Variants in SUPT3H observed in about 807,000 individuals in gnomAD.
SUPT3H encodes the protein SPT3 homolog, SAGA and STAGA complex component.
Under a neutral mutation model 44.3 loss-of-function variants are expected in SUPT3H, and 44 were observed. The ratio of observed to expected loss-of-function variants is 0.99; its 90% CI spans 0.78 to 1.28. The LOEUF (loss-of-function observed/expected upper bound fraction) is 1.28. SUPT3H is among the 50% of genes most tolerant of loss of function. The probability of loss-of-function intolerance (pLI) is 0.00; values close to 1 mark genes in which losing one functional copy is unlikely to be tolerated. For synonymous variants in SUPT3H, 124 were observed against 125.6 expected (o/e 0.99, Z 0.09); for missense variants, 380 against 387.1 (o/e 0.98, Z 0.15).
chr6:44,815,640 G>A (rs1373417396), intron 11 of SUPT3H, among the ~76,000 whole-genome samples: 3 of 152,092 alleles, frequency 2.0e-5, no homozygotes, highest in South Asian at 2.1e-4. Flanking sequence ...ATTCCTAAAT[G>A]TGTGTATGTA....
chr6:45,280,402 G>C (rs75378038), intron 2 of SUPT3H, among the ~76,000 whole-genome samples: 1,722 of 151,988 alleles, frequency 0.011, 15 homozygotes, highest in Non-Finnish European at 0.019. Flanking sequence ...GCTACTCGGG[G>C]GGCTGACACA....
At chr6:45,025,658 C>A (rs577462788) in intron 3 of SUPT3H, among the ~76,000 whole-genome samples, 8 of 152,088 alleles carry the variant, frequency 5.3e-5, no homozygotes, top group Non-Finnish European at 1.2e-4. Flanking sequence ...CCGAGACAGG[C>A]GGATCATGAG....
At chr6:45,243,197 C>CAAAAA (rs61643038) in intron 2 of SUPT3H, among the ~76,000 whole-genome samples, 2,401 of 72,352 alleles carry the variant, frequency 0.033, 383 homozygotes, top group African/African-American at 0.045. Flanking sequence ...GACTCCTTCT[C>CAAAAA]AAAAAAAAAA....
chr6:45,176,625 C>T (rs1394800403), intron 2 of SUPT3H, among the ~76,000 whole-genome samples: 1 of 152,220 alleles, frequency 6.6e-6, no homozygotes, highest in Non-Finnish European at 1.5e-5. Flanking sequence ...GGGGGCAGGG[C>T]ACAGACAAAC....
At chr6:45,048,168 C>T in intron 3 of SUPT3H, among the ~76,000 whole-genome samples, 1 of 149,452 alleles carries the variant, frequency 6.7e-6, no homozygotes, top group East Asian at 2.0e-4. Context: ...AATCCCTTAT[C>T]AGATATATGG....
intron 3 of SUPT3H, among the ~76,000 whole-genome samples, chr6:45,062,084 T>C (rs1470812020): frequency 6.6e-6 from 1 of 151,906 alleles, no homozygotes; most frequent in East Asian, 1.9e-4. Flanking sequence ...GTAAACAAAT[T>C]TTTATATGAA....
chr6:45,077,642 AGAAAAG>A (rs1795192709), intron 3 of SUPT3H, among the ~76,000 whole-genome samples: 23 of 87,124 alleles, frequency 2.6e-4, no homozygotes, highest in African/African-American at 3.7e-4. Context: ...AAAAAAAAAA[AGAAAAG>A]AAAAAAAAAA....
Position 44,932,663 on chromosome 6 carries a change from G to C in SUPT3H, c.902C>G (p.Ser301Cys), listed in dbSNP as rs771962065. The C allele has an allele frequency of 6.2e-7, 1 of 1,606,358 alleles. No individual in the cohort carries two copies. The highest frequency in any genetic ancestry group is 1.7e-5 in the Admixed American group (1 of 58,696). ...RRYSHRIGPLSPFTNAYRRNG... is the reference protein window; with the variant it reads ...RRYSHRIGPLCPFTNAYRRNG... ...TCTGTTATTACGTACTGTGAATGGGGAAAGTGGGCCAATCCTGTGGCTGTA... is the reference window on the plus strand; with the variant it reads ...TCTGTTATTACGTACTGTGAATGGGCAAAGTGGGCCAATCCTGTGGCTGTA... Residue 301 changes from serine to cysteine, a missense_variant, in exon 10 of 11, where the codon TCC (serine) becomes TGC (cysteine). Ser to Cys is a moderately radical substitution (Grantham distance 112). Transcript: ENST00000371459.
At chr6:44,914,884 T>C (rs1268410315) in intron 10 of SUPT3H, among the ~76,000 whole-genome samples, 1 of 152,098 alleles carries the variant, frequency 6.6e-6, no homozygotes, top group Non-Finnish European at 1.5e-5. Context: ...GATCAGGAAA[T>C]ACGATGTATC....
At chr6:45,212,966 T>C (rs942529380) in intron 2 of SUPT3H, among the ~76,000 whole-genome samples, 2 of 152,032 alleles carry the variant, frequency 1.3e-5, no homozygotes, top group Admixed American at 6.6e-5. Context: ...TACCAAAACA[T>C]GCCACAATCA....
intron 10 of SUPT3H, among the ~76,000 whole-genome samples, chr6:44,927,525 T>C (rs1377495505): frequency 6.6e-6 from 1 of 152,138 alleles, no homozygotes; most frequent in African/African-American, 2.4e-5. Flanking sequence ...AACACTGAAA[T>C]TGAAGAAACT....
intron 9 of SUPT3H, among the ~76,000 whole-genome samples, chr6:44,937,320 C>T (rs1217316508): frequency 1.3e-5 from 2 of 151,758 alleles, no homozygotes; most frequent in African/African-American, 2.4e-5. Flanking sequence ...GGTGAAACCC[C>T]GTCTCTACTA....
At chr6:44,863,212 G>C (rs1554139079) in intron 10 of SUPT3H, among the ~76,000 whole-genome samples, 4 of 152,100 alleles carry the variant, frequency 2.6e-5, no homozygotes, top group Non-Finnish European at 4.4e-5. Flanking sequence ...ACTCTTCTAG[G>C]TGTGGGAATG....
chr6:45,281,765 G>T lies in SUPT3H; in HGVS notation c.101+83436C>A, dbSNP rs529453757. On this transcript the variant is annotated intron_variant, in intron 2 of 10. Coordinates refer to ENST00000371459, the MANE Select transcript of SUPT3H (RefSeq NM_003599.4). ...GTGGTTCTCCCAGCACCCAGCTGGA[G>T]ATCTGAGAACAGACAGACTGCCTCC... Among the ~76,000 whole-genome samples, 10 of 152,310 alleles carry T rather than the reference G, an allele frequency of 6.6e-5. No homozygotes were observed. The South Asian group carries it at 1.7e-3, about 25-fold the overall frequency.
At chr6:44,846,158 G>A (rs1040173849) in intron 10 of SUPT3H, among the ~76,000 whole-genome samples, 1 of 152,194 alleles carries the variant, frequency 6.6e-6, no homozygotes, top group East Asian at 1.9e-4. Context: ...CTGTGAGGGG[G>A]AGAAGGGAAT....
At chr6:45,170,389 A>G (rs1293329353) in intron 2 of SUPT3H, among the ~76,000 whole-genome samples, 1 of 152,190 alleles carries the variant, frequency 6.6e-6, no homozygotes, top group Non-Finnish European at 1.5e-5. Flanking sequence ...TCCTCAGTCT[A>G]CAAATAAAGA....
intron 3 of SUPT3H, 33 bp from the exon 4 acceptor site, chr6:45,020,665 A>C (rs772413608): frequency 6.6e-7 from 1 of 1,525,886 alleles, no homozygotes; most frequent in Non-Finnish European, 9.1e-7. Context: ...AATTTTTCTC[A>C]GTAACACAAA....
chr6:44,912,357 T>C (rs1308749696), intron 10 of SUPT3H, among the ~76,000 whole-genome samples: 1 of 152,198 alleles, frequency 6.6e-6, no homozygotes, highest in Non-Finnish European at 1.5e-5. Context: ...TCTGGCTTAT[T>C]TCACTTAGCA....
intron 10 of SUPT3H, among the ~76,000 whole-genome samples, chr6:44,876,799 T>C (rs1582144366): frequency 2.1e-5 from 3 of 140,684 alleles, no homozygotes; most frequent in Non-Finnish European, 3.1e-5. Flanking sequence ...AAATACATAG[T>C]TGTAAAAGCC....
Sources: gnomAD v4.1 joint callset for allele counts (sites outside exome capture counted in the v4.1 genomes callset) on GRCh38, gnomAD v4.1.1 for gene constraint, MANE v1.5 for transcripts, NCBI Gene and HGNC (gene_info 2026-07-23, HGNC 2026-07-21) for gene names.